Variants in GRIN2B observed in about 807,000 individuals in gnomAD.
The protein encoded by GRIN2B is glutamate ionotropic receptor NMDA type subunit 2B.
In GRIN2B, 5 loss-of-function variants were observed where a neutral mutation model predicts 114.5. The ratio of observed to expected loss-of-function variants is 0.04; its 90% confidence interval spans 0.02 to 0.09. The LOEUF is 0.09. Among genes scored for constraint, GRIN2B ranks in the 10% least tolerant of loss-of-function variants. The probability of loss-of-function intolerance (pLI) is 1.00; values close to 1 mark genes in which losing one functional copy is unlikely to be tolerated. For synonymous variants in GRIN2B, 787 were observed against 745.1 expected (o/e 1.06, Z -0.92); for missense variants, 1,108 against 1,943.5 (o/e 0.57, Z 8.08).
In GRIN2B at chr12:13,563,671, C is replaced by T; in HGVS notation, c.3567G>A (p.Val1189=). 6.2e-7 allele frequency: 1 copy of T among 1,613,608 alleles called. No homozygotes were observed. The highest frequency in any genetic ancestry group is 8.5e-7 in the Non-Finnish European group (1 of 1,179,984). Residue 1189 remains valine (V), a synonymous_variant, in exon 14 of 14, where the codon GTG becomes GTA. Transcript: ENST00000609686. ...CCCAAGGTGCAGGTACCCCGCTGAC[C>T]ACGCCGTGTTTGTCGCCCGTCCCGT... ...IKHGTGDKHG[V]VSGVPAPWEK...
chr12:13,802,306 A>C (rs1336526328), intron 3 of GRIN2B, among the ~76,000 whole-genome samples: 2 of 151,336 alleles, frequency 1.3e-5, no homozygotes, highest in Non-Finnish European at 3.0e-5. Flanking sequence ...TTAAGCACAA[A>C]TTTTTTTTCC....
chr12:13,723,398 C>G (rs528416775), intron 4 of GRIN2B, among the ~76,000 whole-genome samples: 11 of 151,798 alleles, frequency 7.2e-5, no homozygotes, highest in Non-Finnish European at 1.3e-4. Context: ...AATGCTCAAC[C>G]AGATAATGTA....
chr12:13,952,404 C>T (rs1867500208), intron 2 of GRIN2B, among the ~76,000 whole-genome samples: 1 of 152,198 alleles, frequency 6.6e-6, no homozygotes, highest in South Asian at 2.1e-4. Flanking sequence ...CAACGGTCCT[C>T]CTGAATGGCA....
At chr12:13,724,989 A>T (rs1003992648) in intron 4 of GRIN2B, among the ~76,000 whole-genome samples, 4 of 152,266 alleles carry the variant, frequency 2.6e-5, no homozygotes, top group Middle Eastern at 3.4e-3. Flanking sequence ...TTCCCCCTTC[A>T]TCTGAAACAG....
chr12:13,580,772 C>A (rs1408633537), intron 10 of GRIN2B, among the ~76,000 whole-genome samples: 3 of 152,196 alleles, frequency 2.0e-5, no homozygotes, highest in South Asian at 2.1e-4. Flanking sequence ...GTCACCGCCA[C>A]AATCAAGACA....
chr12:13,903,114 A>T (rs1448805984), intron 2 of GRIN2B, among the ~76,000 whole-genome samples: 1 of 151,854 alleles, frequency 6.6e-6, no homozygotes, highest in African/African-American at 2.4e-5. Flanking sequence ...TCCTTAAACC[A>T]TTTGTACCTT....
chr12:13,698,209 C>T (rs1010429927), intron 4 of GRIN2B, among the ~76,000 whole-genome samples: 15 of 152,144 alleles, frequency 9.9e-5, no homozygotes, highest in Non-Finnish European at 1.9e-4. Context: ...CAATACCATG[C>T]GGTGGAGTTG....
intron 4 of GRIN2B, among the ~76,000 whole-genome samples, chr12:13,696,113 C>T (rs1375018104): frequency 6.6e-6 from 1 of 151,994 alleles, no homozygotes; most frequent in African/African-American, 2.4e-5. Context: ...TTAAAATTGG[C>T]AAAGGAAGAA....
At chr12:13,830,478 T>C (rs1021463152) in intron 3 of GRIN2B, among the ~76,000 whole-genome samples, 1 of 152,152 alleles carries the variant, frequency 6.6e-6, no homozygotes, top group Non-Finnish European at 1.5e-5. Flanking sequence ...ATAGCAAACA[T>C]AGTAGGAGAA....
In GRIN2B at chr12:13,557,080, A is replaced by G. The variant is rs1261335445; in HGVS notation, c.*5703T>C. On this transcript the variant is annotated 3_prime_UTR_variant, in exon 14 of 14. Transcript: ENST00000609686. ...TAGGAATAGATAGGCTATCTCTTCTAAGTCATAGAGCTCACAGGGCCACTG... is the reference window on the plus strand; with the variant it reads ...TAGGAATAGATAGGCTATCTCTTCTGAGTCATAGAGCTCACAGGGCCACTG... 1 of 152,156 alleles carries G rather than the reference A, an allele frequency of 6.6e-6. No homozygotes were observed. Among genetic ancestry groups the G allele is most frequent in the Admixed American group, 6.5e-5 (1 of 15,272 alleles). 9.4% of individuals were successfully genotyped at this position (152,156 alleles called of 1,614,324 possible).
At position 13,925,603 on chromosome 12, in the gene GRIN2B, C is replaced by T. The variant is rs115947970; in HGVS notation, c.-19+54325G>A. The stretch of plus-strand genomic sequence containing the variant: ...TATGATCAAGCTGAATTCACCATCA[C>T]CTATGGCATTAGCCTCACACTTAAG... On this transcript the variant is annotated intron_variant, in intron 2 of 13. Transcript: ENST00000609686. Among the ~76,000 whole-genome samples the T allele has an allele frequency of 6.0e-3, 911 of 152,252 alleles. 11 individuals are homozygous for T. The highest frequency in any genetic ancestry group is 0.021 in the African/African-American group (864 of 41,540).
rs1591737479 is a variant in GRIN2B at position 13,797,856 on chromosome 12, T to G, written c.412-43941A>C. On this transcript the variant is annotated intron_variant, in intron 3 of 13. Transcript: ENST00000609686. ...AAAGCACAGGCTGGATAGAAGCCCT[T>G]CTGTGATCCTTTCTCTACCCACTTG... Among the ~76,000 whole-genome samples the G allele has an allele frequency of 2.0e-5, 3 of 152,354 alleles. 1 individual carries two copies. Among genetic ancestry groups the G allele is most frequent in the Admixed American group, 2.0e-4 (3 of 15,304 alleles).
intron 5 of GRIN2B, among the ~76,000 whole-genome samples, chr12:13,643,832 A>G (rs574104302): frequency 3.3e-5 from 5 of 152,162 alleles, no homozygotes; most frequent in South Asian, 2.1e-4. Context: ...GTAAGAATCA[A>G]CTCCTCATTT....
chr12:13,802,327 G>T (rs1213922166), intron 3 of GRIN2B, among the ~76,000 whole-genome samples: 6 of 150,536 alleles, frequency 4.0e-5, no homozygotes, highest in Non-Finnish European at 7.4e-5. Context: ...ATATTGCAAA[G>T]GCGGGGGAAG....
At chr12:13,867,367 T>C (rs1215346960) in intron 2 of GRIN2B, among the ~76,000 whole-genome samples, 1 of 152,190 alleles carries the variant, frequency 6.6e-6, no homozygotes, top group Admixed American at 6.5e-5. Context: ...GCCATCTCTC[T>C]CTATGCTTCT....
At chr12:13,856,966 C>G (rs549090946) in intron 3 of GRIN2B, among the ~76,000 whole-genome samples, 1 of 152,182 alleles carries the variant, frequency 6.6e-6, no homozygotes, top group African/African-American at 2.4e-5. Flanking sequence ...GCTGCTGTCA[C>G]CAAATCTGTG....
chr12:13,803,527 G>A (rs1367976971), intron 3 of GRIN2B, among the ~76,000 whole-genome samples: 1 of 152,064 alleles, frequency 6.6e-6, no homozygotes, highest in African/African-American at 2.4e-5. Flanking sequence ...CATCTAACTA[G>A]TCTATAATAT....
intron 5 of GRIN2B, among the ~76,000 whole-genome samples, chr12:13,629,689 CCT>C (rs1006665861): frequency 2.0e-5 from 3 of 151,700 alleles, no homozygotes; most frequent in African/African-American, 7.2e-5. Context: ...TCTCTCTTTT[CCT>C]CTCTCTCTCT....
chr12:13,890,891 T>C (rs942595867), intron 2 of GRIN2B, among the ~76,000 whole-genome samples: 1 of 152,120 alleles, frequency 6.6e-6, no homozygotes, highest in African/African-American at 2.4e-5. Flanking sequence ...TATCACAACT[T>C]TGAGGCTGCA....
Sources: allele counts gnomAD v4.1 joint callset (sites outside exome capture counted in the v4.1 genomes callset), GRCh38; gene constraint gnomAD v4.1.1; transcripts MANE v1.5; gene names NCBI Gene and HGNC (gene_info 2026-07-23, HGNC 2026-07-21).